The following SPAG17 variants were observed in gnomAD, a reference collection of about 807,000 sequenced individuals.
The protein encoded by SPAG17 is sperm associated antigen 17.
A neutral mutation model predicts 273.6 loss-of-function variants in SPAG17; 169 were observed. That is an observed-to-expected ratio of 0.62 (90% CI 0.55 to 0.70). The LOEUF (loss-of-function observed/expected upper bound fraction) is 0.70, where lower values mean the gene tolerates loss of function less well. Among genes scored for constraint, SPAG17 ranks in the 30% least tolerant of loss-of-function variants. The pLI, the probability that SPAG17 is intolerant of heterozygous loss-of-function variation, is 0.00. For missense variants in SPAG17, 2,557 were observed against 2,627.8 expected (o/e 0.97, Z 0.59); for synonymous variants, 825 against 873.2 (o/e 0.94, Z 0.97).
Position 118,020,164 on chromosome 1 carries a change from C to CT in SPAG17, c.4069+3139dup, listed in dbSNP as rs1660363037. ...AGTCATTGCAGGCCAGGCGCAGTGG[C>CT]TTCCAGCACTCTGGGGGGCCAAGGC... On this transcript the variant is annotated intron_variant, in intron 28 of 48. Transcript: ENST00000336338. Among the ~76,000 whole-genome samples, 6 of 152,288 alleles carry CT rather than the reference C, an allele frequency of 3.9e-5. No individual in the cohort carries two copies. The South Asian group carries it at 1.2e-3, about 32-fold the overall frequency.
At chr1:118,066,941 TC>T (rs1311651536) in intron 17 of SPAG17, 42 bp from the exon 18 acceptor site, 1 of 1,564,128 alleles carries the variant, frequency 6.4e-7, no homozygotes, top group Non-Finnish European at 8.6e-7. Context: ...TTTTTTATTT[TC>T]CCCAAGAGAA....
intron 29 of SPAG17, among the ~76,000 whole-genome samples, chr1:118,014,064 A>G (rs1659733554): frequency 1.3e-5 from 2 of 152,162 alleles, no homozygotes; most frequent in African/African-American, 4.8e-5. Context: ...GTTTCTTGAG[A>G]TCTGGGACAC....
At chr1:118,131,042 T>C (rs1289502121) in intron 3 of SPAG17, among the ~76,000 whole-genome samples, 1 of 152,206 alleles carries the variant, frequency 6.6e-6, no homozygotes, top group Non-Finnish European at 1.5e-5. Context: ...TATCATGGAC[T>C]CAAACCACAA....
rs74708529 is a variant in SPAG17, at chr1:118,011,428, G to A, written c.4432+800C>T. ...ACGATCACATCCTTTGCTGGAAAAC[G>A]CATGGAGCTGGAGGCCATTACCCTT... On this transcript the variant is annotated intron_variant, in intron 30 of 48. Coordinates refer to ENST00000336338, the MANE Select transcript of SPAG17 (RefSeq NM_206996.4). Among the ~76,000 whole-genome samples, 644 of 152,174 alleles carry A rather than the reference G, an allele frequency of 4.2e-3. 4 individuals carry two copies. Among genetic ancestry groups the A allele is most frequent in the African/African-American group, 0.015 (612 of 41,502 alleles).
At chr1:118,147,620 C>G (rs954502471) in intron 3 of SPAG17, among the ~76,000 whole-genome samples, 1 of 152,180 alleles carries the variant, frequency 6.6e-6, no homozygotes, top group African/African-American at 2.4e-5. Context: ...AGCAGCTTTT[C>G]AAAGAACTAT....
intron 3 of SPAG17, among the ~76,000 whole-genome samples, chr1:118,135,015 G>A (rs544132346): frequency 1.3e-5 from 2 of 152,314 alleles, no homozygotes; most frequent in South Asian, 4.1e-4. Flanking sequence ...CATAAGACTG[G>A]AAGCTGTTTG....
At chr1:117,979,056 A>T (rs1655459132) in intron 43 of SPAG17, among the ~76,000 whole-genome samples, 1 of 151,754 alleles carries the variant, frequency 6.6e-6, no homozygotes, top group Non-Finnish European at 1.5e-5. Flanking sequence ...TTTAGTAGAA[A>T]CGGGGTTTCA....
rs533476059 is a variant in SPAG17, at chr1:118,014,225, G to A, written c.4287+1740C>T. On this transcript the variant is annotated intron_variant, in intron 29 of 48. Coordinates refer to ENST00000336338, the MANE Select transcript of SPAG17 (RefSeq NM_206996.4). Reference sequence around the variant, plus strand: ...AGTGAGTTAGTATATGGAAAATGCAGAGAACAGGGCCTAGTACACAGTGAG... The same window carrying A: ...AGTGAGTTAGTATATGGAAAATGCAAAGAACAGGGCCTAGTACACAGTGAG... Among the ~76,000 whole-genome samples the A allele has an allele frequency of 1.4e-4, 22 of 152,276 alleles. No individual in the cohort carries two copies. The South Asian group carries it at 4.6e-3, about 32-fold the overall frequency.
intron 48 of SPAG17, chr1:117,954,540 TCA>T: frequency 1.3e-6 from 2 of 1,597,274 alleles, no homozygotes; most frequent in South Asian, 2.2e-5. Flanking sequence ...TACCTAAGTC[TCA>T]GTTTTTTTAA....
At chr1:118,056,104 A>G (rs904700062) in intron 18 of SPAG17, among the ~76,000 whole-genome samples, 190 bp from the exon 19 acceptor site, 10 of 152,190 alleles carry the variant, frequency 6.6e-5, no homozygotes, top group African/African-American at 2.4e-4. Flanking sequence ...CCCTTCATCA[A>G]CAGTTAAAGA....
At chr1:118,067,860 G>A (rs147673790) in intron 17 of SPAG17, among the ~76,000 whole-genome samples, 133 of 152,228 alleles carry the variant, frequency 8.7e-4, no homozygotes, top group African/African-American at 3.2e-3. Flanking sequence ...GTTAGATGAA[G>A]TGAAGTGAGT....
chr1:118,111,098 C>A (rs1656729510), intron 4 of SPAG17, among the ~76,000 whole-genome samples: 1 of 152,268 alleles, frequency 6.6e-6, no homozygotes, highest in South Asian at 2.1e-4. Context: ...TGATAGCTAA[C>A]TATAATTATT....
At chr1:118,099,908 G>C (rs1187989309) in intron 5 of SPAG17, 108 bp from the exon 6 acceptor site, 2 of 935,020 alleles carry the variant, frequency 2.1e-6, no homozygotes, top group Admixed American at 3.0e-5. Flanking sequence ...TAATCCCTCT[G>C]GCTTGCCAAA....
At chr1:118,058,939 CAT>C (rs1340935693) in intron 18 of SPAG17, among the ~76,000 whole-genome samples, 2 of 152,104 alleles carry the variant, frequency 1.3e-5, no homozygotes, top group African/African-American at 2.4e-5. Context: ...ACATGCTACA[CAT>C]GTCAAAATAA....
chr1:117,971,547 G>A (rs887457904), intron 45 of SPAG17, among the ~76,000 whole-genome samples: 1 of 150,190 alleles, frequency 6.7e-6, no homozygotes, highest in Non-Finnish European at 1.5e-5. Context: ...ATTAGTTGCT[G>A]TAACACTTTT....
At chr1:118,074,473 T>C in intron 16 of SPAG17, 66 bp downstream of exon 16, 1 of 1,338,860 alleles carries the variant, frequency 7.5e-7, no homozygotes, top group South Asian at 1.2e-5. Flanking sequence ...CAGTGTTTCT[T>C]ACTCCAAGTC....
In SPAG17 at chr1:118,115,372, A is replaced by G; in HGVS notation, c.385T>C (p.Leu129=). The change falls in exon 4 of 49, where the codon TTG becomes CTG. Residue 129 remains leucine, a synonymous_variant. Coordinates refer to ENST00000336338, the MANE Select transcript of SPAG17 (RefSeq NM_206996.4). The part of the protein sequence containing the change: ...KLTLPLIGKL[L]KFQLLQIKFK... ...TTAATCTGGAGAAGTTGAAATTTCAAGAGTTTCCCTATCAGTGGTAAGGTT... is the reference window on the plus strand; with the variant it reads ...TTAATCTGGAGAAGTTGAAATTTCAGGAGTTTCCCTATCAGTGGTAAGGTT... 6.2e-7 allele frequency: 1 copy of G among 1,613,802 alleles called. No homozygotes were observed. Among genetic ancestry groups the G allele is most frequent in the Non-Finnish European group, 8.5e-7 (1 of 1,179,724 alleles).
chr1:117,976,353 G>A (rs1171839383), intron 43 of SPAG17, among the ~76,000 whole-genome samples: 1 of 152,234 alleles, frequency 6.6e-6, no homozygotes, highest in Non-Finnish European at 1.5e-5. Flanking sequence ...TGAAGAACCA[G>A]TAGTGGTTCC....
intron 3 of SPAG17, among the ~76,000 whole-genome samples, chr1:118,130,510 G>A (rs1469138969): frequency 6.6e-6 from 1 of 152,144 alleles, no homozygotes; most frequent in Non-Finnish European, 1.5e-5. Context: ...GATAGTCCCT[G>A]GCACCCAGGA....
Sources: gnomAD v4.1 joint callset for allele counts (sites outside exome capture counted in the v4.1 genomes callset) on GRCh38, gnomAD v4.1.1 for gene constraint, MANE v1.5 for transcripts, NCBI Gene and HGNC (gene_info 2026-07-23, HGNC 2026-07-21) for gene names.